The following TTLL5 variants were observed in gnomAD, a reference collection of about 807,000 sequenced individuals.
TTLL5 encodes the protein tubulin polyglutamylase TTLL5.
A neutral mutation model predicts 168.4 loss-of-function variants in TTLL5; 132 were observed. The observed-to-expected ratio is 0.78, with a 90% confidence interval of 0.68 to 0.91. The LOEUF (loss-of-function observed/expected upper bound fraction) is 0.91, where lower values mean the gene tolerates loss of function less well. Ranked by LOEUF, TTLL5 falls within the 40% of genes least tolerant of loss-of-function variation. TTLL5 has a pLI of 0.00. For missense variants in TTLL5, 1,545 were observed against 1,581.5 expected (o/e 0.98, Z 0.39); for synonymous variants, 546 against 558.6 (o/e 0.98, Z 0.32).
rs549926869 is a variant in TTLL5 at position 75,671,815 on chromosome 14, C to T, written c.181+2293C>T. Among the ~76,000 whole-genome samples, 6 of 152,276 alleles carry T rather than the reference C, an allele frequency of 3.9e-5. No individual in the cohort carries two copies. The East Asian group carries it at 7.7e-4, about 20-fold the overall frequency. On this transcript the variant is annotated intron_variant, in intron 3 of 31. Coordinates refer to ENST00000298832, the MANE Select transcript of TTLL5 (RefSeq NM_015072.5). ...GGTTTGTCTGCATGTAATATGTTAT[C>T]TGCAAATAGAGAGAATTTTAGTTCT...
intron 27 of TTLL5, among the ~76,000 whole-genome samples, chr14:75,800,521 A>T (rs758110279): frequency 6.6e-6 from 1 of 151,986 alleles, no homozygotes; most frequent in Non-Finnish European, 1.5e-5. Context: ...AGCTAGTGTG[A>T]TCTTTTGGGA....
intron 31 of TTLL5, among the ~76,000 whole-genome samples, chr14:75,946,699 A>T (rs1019911831): frequency 2.0e-5 from 3 of 152,212 alleles, no homozygotes; most frequent in African/African-American, 7.2e-5. Context: ...AACAGACCAA[A>T]TAAGTAACAC....
chr14:75,891,893 C>G (rs1164929335), intron 30 of TTLL5, among the ~76,000 whole-genome samples: 1 of 152,140 alleles, frequency 6.6e-6, no homozygotes, highest in East Asian at 1.9e-4. Context: ...TGGAGTTGTT[C>G]ATAGGGTTAA....
At chr14:75,765,995 G>C in intron 19 of TTLL5, 67 bp from the exon 20 acceptor site, 1 of 1,418,258 alleles carries the variant, frequency 7.1e-7, no homozygotes, top group Admixed American at 2.2e-5. Flanking sequence ...AAAGAGAAAA[G>C]GAAGGTATTG....
At chr14:75,846,566 G>A (rs571703946) in intron 28 of TTLL5, among the ~76,000 whole-genome samples, 3 of 152,168 alleles carry the variant, frequency 2.0e-5, no homozygotes, top group South Asian at 2.1e-4. Flanking sequence ...CGAGGCGGGC[G>A]GATCACCTGA....
chr14:75,891,819 A>C (rs2032416829), intron 30 of TTLL5, among the ~76,000 whole-genome samples: 1 of 152,192 alleles, frequency 6.6e-6, no homozygotes, highest in African/African-American at 2.4e-5. Context: ...CCTTGGCTTA[A>C]CTAACTTTTC....
chr14:75,863,087 C>A (rs2030164359), intron 28 of TTLL5, among the ~76,000 whole-genome samples: 1 of 152,112 alleles, frequency 6.6e-6, no homozygotes, highest in East Asian at 1.9e-4. Flanking sequence ...TCAGTGGGGA[C>A]CCTGTGAGGT....
At chr14:75,831,204 AG>A (rs1387741555) in intron 28 of TTLL5, among the ~76,000 whole-genome samples, 1 of 152,184 alleles carries the variant, frequency 6.6e-6, no homozygotes, top group Non-Finnish European at 1.5e-5. Flanking sequence ...TTTCTAAGAA[AG>A]GTACATTGTT....
intron 31 of TTLL5, among the ~76,000 whole-genome samples, chr14:75,918,135 G>T (rs921106681): frequency 2.0e-5 from 3 of 152,200 alleles, no homozygotes; most frequent in Non-Finnish European, 2.9e-5. Context: ...ACAGATGCCA[G>T]GTCAATCTGT....
At chr14:75,939,147 C>T (rs1263224337) in intron 31 of TTLL5, among the ~76,000 whole-genome samples, 1 of 152,166 alleles carries the variant, frequency 6.6e-6, no homozygotes, top group African/African-American at 2.4e-5. Context: ...CATTTTCTAG[C>T]ACACCACTGG....
chr14:75,681,681 C>G, intron 4 of TTLL5, 54 bp downstream of exon 4: 5 of 1,503,834 alleles, frequency 3.3e-6, no homozygotes, highest in Non-Finnish European at 4.6e-6. Context: ...AAAATCCCAG[C>G]CACCTAACTG....
At chr14:75,835,577 A>G (rs1895822091) in intron 28 of TTLL5, 2 of 152,236 alleles carry the variant, frequency 1.3e-5, no homozygotes, top group African/African-American at 2.4e-5. Context: ...TCTGACAAAG[A>G]GAACCATTAT....
At chr14:75,676,597 A>G (rs1377647829) in intron 3 of TTLL5, among the ~76,000 whole-genome samples, 3 of 152,246 alleles carry the variant, frequency 2.0e-5, no homozygotes, top group Non-Finnish European at 1.5e-5. Flanking sequence ...CTTTTGGAAC[A>G]TGTTCAGTGT....
chr14:75,795,832 T>A (rs1892970020), intron 27 of TTLL5, among the ~76,000 whole-genome samples: 1 of 152,348 alleles, frequency 6.6e-6, no homozygotes, highest in African/African-American at 2.4e-5. Context: ...ACTCATTGAT[T>A]GATAGACATT....
intron 26 of TTLL5, among the ~76,000 whole-genome samples, chr14:75,791,874 A>G (rs1189557782): frequency 1.3e-5 from 2 of 152,090 alleles, no homozygotes; most frequent in East Asian, 3.9e-4. Flanking sequence ...TTTTGAAGAG[A>G]TGTGACTTTT....
intron 26 of TTLL5, among the ~76,000 whole-genome samples, chr14:75,792,255 G>A (rs1463146047): frequency 6.7e-6 from 1 of 150,362 alleles, no homozygotes; most frequent in Non-Finnish European, 1.5e-5. Context: ...GATAGCATTA[G>A]GAGATATACC....
At chr14:75,796,038 A>G (rs948450341) in intron 27 of TTLL5, among the ~76,000 whole-genome samples, 1 of 152,216 alleles carries the variant, frequency 6.6e-6, no homozygotes, top group African/African-American at 2.4e-5. Flanking sequence ...ACTAGTTTAC[A>G]TTCCCACCAA....
intron 15 of TTLL5, among the ~76,000 whole-genome samples, chr14:75,737,881 G>A (rs1889007325): frequency 6.6e-6 from 1 of 152,104 alleles, no homozygotes; most frequent in Admixed American, 6.5e-5. Context: ...GGGCTTGAAG[G>A]CATATCTATC....
At position 75,940,370 on chromosome 14, in the gene TTLL5, C is replaced by T. The variant is rs148661933; in HGVS notation, c.3824-14054C>T. Among the ~76,000 whole-genome samples the T allele has an allele frequency of 7.2e-3, 1,102 of 152,214 alleles. 13 individuals are homozygous for T. Among genetic ancestry groups the T allele is most frequent in the African/African-American group, 0.023 (961 of 41,546 alleles). On this transcript the variant is annotated intron_variant, in intron 31 of 31. Coordinates refer to ENST00000298832, the MANE Select transcript of TTLL5 (RefSeq NM_015072.5). Reference sequence around the variant, plus strand: ...CTGGGATTACAGGCATGAGCCACCGCGCCCGGCCGAAATTAAATCTTTTTA... The same window carrying T: ...CTGGGATTACAGGCATGAGCCACCGTGCCCGGCCGAAATTAAATCTTTTTA...
Sources: gnomAD v4.1 joint callset for allele counts (sites outside exome capture counted in the v4.1 genomes callset) on GRCh38, gnomAD v4.1.1 for gene constraint, MANE v1.5 for transcripts, NCBI Gene and HGNC (gene_info 2026-07-23, HGNC 2026-07-21) for gene names.